The following FAM169A variants were observed in gnomAD, a reference collection of about 807,000 sequenced individuals.
FAM169A encodes the protein soluble lamin-associated protein of 75 kDa.
Under a neutral mutation model 75.7 loss-of-function variants are expected in FAM169A, and 24 were observed. The observed-to-expected ratio is 0.32, with a 90% CI of 0.23 to 0.45. The LOEUF (loss-of-function observed/expected upper bound fraction) is 0.45, where lower values mean the gene tolerates loss of function less well. FAM169A is among the 20% of genes least tolerant of loss of function. The probability of loss-of-function intolerance (pLI) is 1.00; values close to 1 mark genes in which losing one functional copy is unlikely to be tolerated. For missense variants in FAM169A, 673 were observed against 784.0 expected (o/e 0.86, Z 1.69); for synonymous variants, 271 against 271.0 (o/e 1.00, Z 0.00).
intron 5 of FAM169A, among the ~76,000 whole-genome samples, chr5:74,823,336 G>C (rs1369784067): frequency 6.6e-6 from 1 of 152,060 alleles, no homozygotes; most frequent in Non-Finnish European, 1.5e-5. Flanking sequence ...TACCAAGAAT[G>C]TTCTTTCCCT....
intron 1 of FAM169A, among the ~76,000 whole-genome samples, chr5:74,843,505 T>G (rs995625004): frequency 6.6e-6 from 1 of 152,162 alleles, no homozygotes; most frequent in Non-Finnish European, 1.5e-5. Flanking sequence ...GAACAAGATA[T>G]AGAAATACAC....
In FAM169A at chr5:74,840,088, T is replaced by A. The variant is rs1300321647; in HGVS notation, c.218A>T (p.Glu73Val). 1 of 1,569,550 alleles carries A rather than the reference T, an allele frequency of 6.4e-7. No homozygotes were observed. The highest frequency in any genetic ancestry group is 8.7e-7 in the Non-Finnish European group (1 of 1,153,136). ...TQKILALFAPEDSLTAVALYL... is the reference protein window; with the variant it reads ...TQKILALFAPVDSLTAVALYL... Reference sequence around the variant, plus strand: ...CAAAAAGAGACCTGTCAGTGAATCTTCAGGTGCAAAGAGAGCAAGAATTTT... The same window carrying A: ...CAAAAAGAGACCTGTCAGTGAATCTACAGGTGCAAAGAGAGCAAGAATTTT... Residue 73 changes from glutamate to valine, a missense_variant, in exon 3 of 13, where the codon GAA becomes GTA. By Grantham distance (121) the Glu-to-Val change is moderately radical. Transcript: ENST00000687041.
intron 11 of FAM169A, among the ~76,000 whole-genome samples, chr5:74,785,772 C>T (rs1745664954): frequency 6.6e-6 from 1 of 152,116 alleles, no homozygotes; most frequent in Non-Finnish European, 1.5e-5. Context: ...CACACACACA[C>T]GTATGTATAT....
intron 11 of FAM169A, among the ~76,000 whole-genome samples, chr5:74,785,632 C>T (rs1215364299): frequency 6.6e-6 from 1 of 152,148 alleles, no homozygotes; most frequent in Admixed American, 6.5e-5. Context: ...GGCATGGTGG[C>T]ACATGCCTAA....
At position 74,804,619 on chromosome 5, in the gene FAM169A, A is replaced by G; in HGVS notation, c.800-14T>C. 2 of 1,427,508 alleles carry G rather than the reference A, an allele frequency of 1.4e-6. No homozygotes were observed. The highest frequency in any genetic ancestry group is 2.0e-6 in the Non-Finnish European group (2 of 1,020,860). The allele number at this position is 1,427,508 out of a possible 1,614,324, so 88.4% of individuals were successfully genotyped here. A position where few individuals can be genotyped will look rare whatever the true frequency, so the allele number is the denominator to read the frequency against. Reference sequence around the variant, plus strand: ...TTTGAGAAAGTGCTGCGTATAGAAGAATTTTAAAAACTGTAACCGAATCAG... The same window carrying G: ...TTTGAGAAAGTGCTGCGTATAGAAGGATTTTAAAAACTGTAACCGAATCAG... On this transcript the variant is annotated splice_polypyrimidine_tract_variant and intron_variant, in intron 7 of 12. Coordinates refer to ENST00000687041, the MANE Select transcript of FAM169A (RefSeq NM_001376049.1).
intron 6 of FAM169A, among the ~76,000 whole-genome samples, chr5:74,813,182 G>A (rs1003393858): frequency 6.6e-6 from 1 of 152,180 alleles, no homozygotes; most frequent in Non-Finnish European, 1.5e-5. Context: ...GATGGTGACT[G>A]CGAATTGGTA....
intron 10 of FAM169A, 89 bp downstream of exon 10, chr5:74,800,791 T>C (rs1279021857): frequency 2.4e-6 from 1 of 412,220 alleles, no homozygotes; most frequent in Non-Finnish European, 3.6e-6. Flanking sequence ...ATATATTATA[T>C]ATAAAATATT....
At chr5:74,808,852 G>C (rs1747023602) in intron 6 of FAM169A, among the ~76,000 whole-genome samples, 1 of 152,120 alleles carries the variant, frequency 6.6e-6, no homozygotes, top group Non-Finnish European at 1.5e-5. Flanking sequence ...ATTGTATTTA[G>C]TTCTCCCTTA....
intron 6 of FAM169A, 46 bp from the exon 7 acceptor site, chr5:74,805,330 G>C (rs1162938374): frequency 1.6e-5 from 25 of 1,590,758 alleles, no homozygotes; most frequent in Non-Finnish European, 2.0e-5. Context: ...AATATCCACT[G>C]TTTTGAAAAA....
intron 5 of FAM169A, among the ~76,000 whole-genome samples, chr5:74,821,104 T>C (rs545041887): frequency 1.3e-5 from 2 of 152,214 alleles, no homozygotes; most frequent in Non-Finnish European, 2.9e-5. Flanking sequence ...TTGGTTGTCT[T>C]CACATCATCT....
chr5:74,841,344 A>G (rs1748852011), intron 2 of FAM169A, among the ~76,000 whole-genome samples: 1 of 152,226 alleles, frequency 6.6e-6, no homozygotes, highest in Non-Finnish European at 1.5e-5. Flanking sequence ...TTAAAGCCAT[A>G]AAGTCAAATA....
At chr5:74,863,487 A>G (rs1315367195) in intron 1 of FAM169A, among the ~76,000 whole-genome samples, 1 of 152,228 alleles carries the variant, frequency 6.6e-6, no homozygotes, top group East Asian at 1.9e-4. Context: ...TTCCTACCCA[A>G]ACAACAATCC....
chr5:74,799,416 T>C, intron 10 of FAM169A: 1 of 1,613,226 alleles, frequency 6.2e-7, no homozygotes, highest in Non-Finnish European at 8.5e-7. Context: ...AAAAGCTGAT[T>C]CGCTCCACAG....
At chr5:74,833,299 T>C (rs1209000897) in intron 5 of FAM169A, among the ~76,000 whole-genome samples, 1 of 152,178 alleles carries the variant, frequency 6.6e-6, no homozygotes, top group East Asian at 1.9e-4. Flanking sequence ...AACAAAGTGA[T>C]GTCTTCTCTG....
chr5:74,841,726 T>C (rs369412007), intron 1 of FAM169A, 47 bp from the exon 2 acceptor site: 36 of 1,517,326 alleles, frequency 2.4e-5, no homozygotes, highest in Non-Finnish European at 3.0e-5. Context: ...TGAAACGCCA[T>C]CTTCCTTTAC....
At chr5:74,796,297 C>T in intron 10 of FAM169A, 111 bp from the exon 11 acceptor site, 2 of 963,906 alleles carry the variant, frequency 2.1e-6, no homozygotes, top group South Asian at 3.8e-5. Flanking sequence ...TTGTCAACAA[C>T]TTCAGATTTT....
intron 1 of FAM169A, among the ~76,000 whole-genome samples, chr5:74,843,490 A>C (rs1334426060): frequency 1.3e-5 from 2 of 152,262 alleles, no homozygotes; most frequent in African/African-American, 4.8e-5. Context: ...GTGAATCAAC[A>C]AATGGAACAA....
At chr5:74,819,975 TAAAAACTGAA>T (rs1747689321) in intron 5 of FAM169A, among the ~76,000 whole-genome samples, 1 of 149,396 alleles carries the variant, frequency 6.7e-6, no homozygotes, top group African/African-American at 2.5e-5. Context: ...AATGTATTTT[TAAAAACTGAA>T]TTGTATCCTT....
At chr5:74,808,012 T>A (rs1254938092) in intron 6 of FAM169A, among the ~76,000 whole-genome samples, 2 of 152,040 alleles carry the variant, frequency 1.3e-5, no homozygotes, top group Non-Finnish European at 2.9e-5. Context: ...GGCAGGAGAA[T>A]CACTTGAACC....
Sources: allele counts gnomAD v4.1 joint callset (sites outside exome capture counted in the v4.1 genomes callset), GRCh38; gene constraint gnomAD v4.1.1; transcripts MANE v1.5; gene names NCBI Gene and HGNC (gene_info 2026-07-23, HGNC 2026-07-21).